AGBL4: variants seen among roughly 807,000 people sequenced by gnomAD.
The protein encoded by AGBL4 is cytosolic carboxypeptidase 6.
AGBL4 carries 58 observed loss-of-function variants against 66.4 expected under a neutral mutation model. The observed-to-expected ratio is 0.87, with a 90% CI of 0.71 to 1.09. The LOEUF is 1.09. Ranked by LOEUF, AGBL4 falls within the 50% of genes least tolerant of loss-of-function variation. The pLI is 0.00. For synonymous variants in AGBL4, 234 were observed against 222.9 expected (o/e 1.05, Z -0.44); for missense variants, 579 against 631.0 (o/e 0.92, Z 0.88).
At chr1:49,467,592 G>T (rs769335017) in intron 3 of AGBL4, among the ~76,000 whole-genome samples, 12 of 151,826 alleles carry the variant, frequency 7.9e-5, no homozygotes, top group Non-Finnish European at 1.5e-4. Context: ...TATGGCCTGA[G>T]AAGGGAAGGG....
intron 12 of AGBL4, 68 bp from the exon 13 acceptor site, chr1:48,534,984 G>C: frequency 1.5e-6 from 2 of 1,371,814 alleles, no homozygotes; most frequent in African/African-American, 1.4e-5. Context: ...TTGAAGAGGT[G>C]CTATTCATCT....
chr1:49,978,266 T>C (rs959766416), intron 1 of AGBL4, among the ~76,000 whole-genome samples: 1 of 151,950 alleles, frequency 6.6e-6, no homozygotes, highest in Non-Finnish European at 1.5e-5. Flanking sequence ...CTGGGCAACA[T>C]AGCAAGATCC....
chr1:49,953,548 G>A (rs1487629778), intron 1 of AGBL4, among the ~76,000 whole-genome samples: 2 of 151,890 alleles, frequency 1.3e-5, no homozygotes, highest in African/African-American at 2.4e-5. Context: ...GAGATCAGAA[G>A]TACAGGTTGA....
intron 3 of AGBL4, among the ~76,000 whole-genome samples, chr1:49,538,761 T>C (rs1425530559): frequency 6.6e-6 from 1 of 152,210 alleles, no homozygotes; most frequent in Non-Finnish European, 1.5e-5. Flanking sequence ...GTTTTTCATC[T>C]AATTGGTAAA....
intron 5 of AGBL4, among the ~76,000 whole-genome samples, chr1:48,873,543 C>T (rs1274283958): frequency 2.6e-5 from 4 of 152,078 alleles, no homozygotes; most frequent in Admixed American, 2.0e-4. Context: ...TGAAGGCAGG[C>T]GCTGTGCCCT....
chr1:49,959,015 T>TA lies in AGBL4; in HGVS notation c.34+64747dup, dbSNP rs558858713. 9.5e-3 allele frequency among the ~76,000 whole-genome samples: 1,233 copies of TA among 129,508 alleles called. 6 individuals carry two copies. The highest frequency in any genetic ancestry group is 0.01 in the Non-Finnish European group (614 of 59,750). The allele number at this position is 129,508 out of a possible 152,430, so 85.0% of individuals were successfully genotyped here. ...GTCAAACATCAAAAGCAGCCCAAGATAAAAAAAAAAAAATAGAATCAAAAT... is the reference window on the plus strand; with the variant it reads ...GTCAAACATCAAAAGCAGCCCAAGATAAAAAAAAAAAAAATAGAATCAAAAT... On this transcript the variant is annotated intron_variant, in intron 1 of 13. Coordinates refer to ENST00000371839, the MANE Select transcript of AGBL4 (RefSeq NM_032785.4).
chr1:49,448,576 C>G (rs1373997382), intron 3 of AGBL4, among the ~76,000 whole-genome samples: 6 of 152,082 alleles, frequency 3.9e-5, no homozygotes, highest in African/African-American at 1.4e-4. Flanking sequence ...ATGGAAATCT[C>G]TGTGTTAGGA....
At chr1:50,001,863 C>G (rs1660782209) in intron 1 of AGBL4, among the ~76,000 whole-genome samples, 1 of 152,030 alleles carries the variant, frequency 6.6e-6, no homozygotes, top group South Asian at 2.1e-4. Flanking sequence ...CTTCATGAGC[C>G]CAACAAAATA....
chr1:49,252,875 A>G (rs1261008935), intron 3 of AGBL4, among the ~76,000 whole-genome samples: 1 of 152,182 alleles, frequency 6.6e-6, no homozygotes, highest in Non-Finnish European at 1.5e-5. Flanking sequence ...ATTTGGTACT[A>G]CCAGACCTGC....
intron 2 of AGBL4, among the ~76,000 whole-genome samples, chr1:49,723,960 T>G (rs1378200875): frequency 6.6e-6 from 1 of 152,150 alleles, no homozygotes; most frequent in Non-Finnish European, 1.5e-5. Flanking sequence ...GGCCTAAGCT[T>G]CTTATTCAAT....
chr1:49,935,468 T>A (rs1653881765), intron 1 of AGBL4, among the ~76,000 whole-genome samples: 2 of 152,178 alleles, frequency 1.3e-5, no homozygotes, highest in African/African-American at 4.8e-5. Context: ...GTCTGACAGC[T>A]TTGAAGAGAG....
intron 4 of AGBL4, among the ~76,000 whole-genome samples, chr1:49,215,535 T>C (rs1440403372): frequency 2.0e-5 from 3 of 152,124 alleles, no homozygotes; most frequent in Admixed American, 2.0e-4. Context: ...GGTTCACTTC[T>C]GTTTTTTCTC....
intron 3 of AGBL4, among the ~76,000 whole-genome samples, chr1:49,324,011 T>C (rs1199204942): frequency 6.6e-6 from 1 of 152,178 alleles, no homozygotes; most frequent in Non-Finnish European, 1.5e-5. Context: ...CCCCAATAAC[T>C]AACACAGTGC....
At chr1:49,109,933 A>G (rs192975002) in intron 4 of AGBL4, among the ~76,000 whole-genome samples, 2 of 152,264 alleles carry the variant, frequency 1.3e-5, no homozygotes, top group African/African-American at 4.8e-5. Context: ...AAAAACTCCA[A>G]TTATCTTTTT....
chr1:49,296,794 T>C (rs1231636279), intron 3 of AGBL4, among the ~76,000 whole-genome samples: 3 of 152,224 alleles, frequency 2.0e-5, no homozygotes, highest in Non-Finnish European at 4.4e-5. Flanking sequence ...TAAACTTAGT[T>C]AAGGCAGAGC....
At chr1:49,511,120 A>T (rs1166845024) in intron 3 of AGBL4, among the ~76,000 whole-genome samples, 1 of 151,972 alleles carries the variant, frequency 6.6e-6, no homozygotes, top group Admixed American at 6.6e-5. Flanking sequence ...TACCCAAAGG[A>T]CTATAAATCA....
intron 4 of AGBL4, among the ~76,000 whole-genome samples, chr1:49,104,328 C>T (rs1645255461): frequency 6.6e-6 from 1 of 152,108 alleles, no homozygotes; most frequent in Non-Finnish European, 1.5e-5. Context: ...TTGACTGAAT[C>T]TCCTTGAGGG....
At chr1:49,324,814 C>T (rs1224299028) in intron 3 of AGBL4, among the ~76,000 whole-genome samples, 1 of 152,146 alleles carries the variant, frequency 6.6e-6, no homozygotes, top group Non-Finnish European at 1.5e-5. Flanking sequence ...ACATATTTGC[C>T]TTAGTATCTA....
At chr1:49,414,700 T>C (rs1161222795) in intron 3 of AGBL4, among the ~76,000 whole-genome samples, 1 of 152,182 alleles carries the variant, frequency 6.6e-6, no homozygotes, top group Non-Finnish European at 1.5e-5. Context: ...AAAGAACTAG[T>C]TCTGGATACA....
Sources: allele counts gnomAD v4.1 joint callset (sites outside exome capture counted in the v4.1 genomes callset), GRCh38; gene constraint gnomAD v4.1.1; transcripts MANE v1.5; gene names NCBI Gene and HGNC (gene_info 2026-07-23, HGNC 2026-07-21).